NPAS3: variants seen among roughly 807,000 people sequenced by gnomAD.
NPAS3 encodes the protein neuronal PAS domain-containing protein 3.
A neutral mutation model predicts 73.1 loss-of-function variants in NPAS3; 14 were observed. The ratio of observed to expected loss-of-function variants is 0.19; its 90% CI spans 0.13 to 0.30. NPAS3 has a LOEUF of 0.30. Ranked by LOEUF, NPAS3 falls within the 10% of genes least tolerant of loss-of-function variation. The pLI, the probability that NPAS3 is intolerant of heterozygous loss-of-function variation, is 1.00. For missense variants in NPAS3, 1,096 were observed against 1,250.0 expected, an observed-to-expected ratio of 0.88 and a Z score of 1.86; for synonymous variants, 620 against 541.5, an observed-to-expected ratio of 1.14 and a Z score of -2.01.
At chr14:33,648,538 A>G (rs1316268205) in intron 5 of NPAS3, among the ~76,000 whole-genome samples, 10 of 152,224 alleles carry the variant, frequency 6.6e-5, no homozygotes, top group Non-Finnish European at 1.5e-4. Context: ...TGAAGGCCCA[A>G]TTTATAGAAT....
chr14:33,232,902 G>A (rs2047903693), intron 3 of NPAS3, among the ~76,000 whole-genome samples: 1 of 152,044 alleles, frequency 6.6e-6, no homozygotes, highest in Admixed American at 6.6e-5. Context: ...AGTTTCTAGG[G>A]CGAGTAGTGC....
intron 3 of NPAS3, among the ~76,000 whole-genome samples, chr14:33,220,245 C>T (rs1437302527): frequency 1.3e-5 from 2 of 152,156 alleles, no homozygotes; most frequent in African/African-American, 2.4e-5. Context: ...GGAACAGACT[C>T]CCTGCTCTGA....
At chr14:33,617,846 C>A (rs929223071) in intron 5 of NPAS3, among the ~76,000 whole-genome samples, 5 of 152,078 alleles carry the variant, frequency 3.3e-5, no homozygotes, top group Admixed American at 6.5e-5. Flanking sequence ...AAAGAGAGGT[C>A]TCTAAGAGTC....
chr14:33,589,444 C>T (rs1242051507), intron 5 of NPAS3, among the ~76,000 whole-genome samples: 1 of 152,150 alleles, frequency 6.6e-6, no homozygotes, highest in African/African-American at 2.4e-5. Context: ...GATTTCCATG[C>T]TGGTCAAGCA....
At chr14:33,711,755 G>A (rs2060824690) in intron 6 of NPAS3, among the ~76,000 whole-genome samples, 2 of 152,152 alleles carry the variant, frequency 1.3e-5, no homozygotes, top group African/African-American at 4.8e-5. Flanking sequence ...AACATGGTGA[G>A]CAGCGATCAT....
At chr14:33,555,181 T>C (rs2055297651) in intron 4 of NPAS3, among the ~76,000 whole-genome samples, 1 of 152,216 alleles carries the variant, frequency 6.6e-6, no homozygotes, top group Non-Finnish European at 1.5e-5. Context: ...ATAAATCAGA[T>C]ACTTGCATGT....
At chr14:32,994,622 G>T (rs897210969) in intron 1 of NPAS3, among the ~76,000 whole-genome samples, 42 of 128,984 alleles carry the variant, frequency 3.3e-4, no homozygotes, top group East Asian at 4.3e-4. Flanking sequence ...TTTTTTGTTT[G>T]TTTGTTTGTT....
intron 6 of NPAS3, among the ~76,000 whole-genome samples, chr14:33,734,887 C>T (rs2061485759): frequency 6.6e-6 from 1 of 152,156 alleles, no homozygotes; most frequent in African/African-American, 2.4e-5. Context: ...CCTTGTCTTT[C>T]ATGACAGTTC....
At chr14:33,785,906 T>A (rs373432413) in intron 9 of NPAS3, among the ~76,000 whole-genome samples, 51 of 152,300 alleles carry the variant, frequency 3.3e-4, no homozygotes, top group African/African-American at 1.2e-3. Context: ...CAGTTCCTCA[T>A]AGGGCAATGT....
chr14:33,416,773 G>C, intron 4 of NPAS3, among the ~76,000 whole-genome samples: 1 of 151,836 alleles, frequency 6.6e-6, no homozygotes, highest in East Asian at 1.9e-4. Context: ...AAATGAAACC[G>C]ATTGTTTATT....
chr14:33,586,972 C>T lies in NPAS3; in HGVS notation c.558+26762C>T, dbSNP rs891636704. Among the ~76,000 whole-genome samples the T allele has an allele frequency of 2.0e-5, 3 of 152,250 alleles. No individual in the cohort carries two copies. In the South Asian group the frequency reaches 6.2e-4, roughly 32 times the overall value. ...AGAGGAGTCTGCACAGTGAGAGTTC[C>T]GTGATAATCCGAGGACCGGCTCCCC... On this transcript the variant is annotated intron_variant, in intron 5 of 11. Transcript: ENST00000356141.
chr14:33,772,960 G>C (rs984217035), intron 7 of NPAS3, among the ~76,000 whole-genome samples: 1 of 152,192 alleles, frequency 6.6e-6, no homozygotes, highest in African/African-American at 2.4e-5. Flanking sequence ...CCGACGTGAA[G>C]GGTGACAGGG....
At chr14:33,782,110 C>A (rs2062995683) in intron 9 of NPAS3, among the ~76,000 whole-genome samples, 1 of 152,214 alleles carries the variant, frequency 6.6e-6, no homozygotes, top group African/African-American at 2.4e-5. Context: ...CACACTGTGA[C>A]CAAAGACGTC....
At chr14:33,339,725 G>GA (rs148866284) in intron 3 of NPAS3, among the ~76,000 whole-genome samples, 3,621 of 151,976 alleles carry the variant, frequency 0.024, 138 homozygotes, top group African/African-American at 0.082. Flanking sequence ...CTAATTTGGA[G>GA]AAAAAAAATC....
intron 4 of NPAS3, among the ~76,000 whole-genome samples, chr14:33,549,180 A>G (rs999577850): frequency 1.3e-5 from 2 of 152,196 alleles, no homozygotes; most frequent in African/African-American, 4.8e-5. Flanking sequence ...TTTCACTTCA[A>G]GACAGCACTG....
chr14:33,784,758 T>A (rs1407254837), intron 9 of NPAS3, among the ~76,000 whole-genome samples: 2 of 125,654 alleles, frequency 1.6e-5, no homozygotes, highest in African/African-American at 3.4e-5. Flanking sequence ...TTTTTTTTTT[T>A]TTTTTTTTTG....
chr14:33,199,042 C>A (rs2046503062), intron 2 of NPAS3, among the ~76,000 whole-genome samples: 1 of 152,180 alleles, frequency 6.6e-6, no homozygotes, highest in Non-Finnish European at 1.5e-5. Context: ...AAGTGTGGGG[C>A]CCGCCGAGCC....
chr14:33,701,039 G>C (rs887400752), intron 6 of NPAS3, among the ~76,000 whole-genome samples: 1 of 152,134 alleles, frequency 6.6e-6, no homozygotes, highest in African/African-American at 2.4e-5. Flanking sequence ...AGAATTTAAG[G>C]GCGTCCGTGA....
chr14:33,787,224 T>C (rs2063203805), intron 9 of NPAS3, among the ~76,000 whole-genome samples: 1 of 152,226 alleles, frequency 6.6e-6, no homozygotes, highest in African/African-American at 2.4e-5. Context: ...CTCCTTGTCC[T>C]AGAACACTAA....
Sources: gnomAD v4.1 joint callset for allele counts (sites outside exome capture counted in the v4.1 genomes callset) on GRCh38, gnomAD v4.1.1 for gene constraint, MANE v1.5 for transcripts, NCBI Gene and HGNC (gene_info 2026-07-23, HGNC 2026-07-21) for gene names.